LUZP1: variants seen among roughly 807,000 people sequenced by gnomAD.
LUZP1 encodes leucine zipper protein 1.
In LUZP1, 25 loss-of-function variants were observed where a neutral mutation model predicts 71.3. The ratio of observed to expected loss-of-function variants is 0.35; its 90% CI spans 0.26 to 0.49. LUZP1 has a LOEUF of 0.49. Among genes scored for constraint, LUZP1 ranks in the 20% least tolerant of loss-of-function variants. The probability of loss-of-function intolerance (pLI) is 0.99; values close to 1 mark genes in which losing one functional copy is unlikely to be tolerated. For synonymous variants in LUZP1, 481 were observed against 506.4 expected (o/e 0.95, Z 0.67); for missense variants, 1,142 against 1,300.8 (o/e 0.88, Z 1.88).
chr1:23,116,343 C>T (rs749661014), intron 2 of LUZP1, among the ~76,000 whole-genome samples: 2 of 152,094 alleles, frequency 1.3e-5, no homozygotes, highest in African/African-American at 2.4e-5. Flanking sequence ...CACTATACTC[C>T]AGCCTGGACA....
At chr1:23,084,097 A>G (rs376444667) in exon 5 of LUZP1, 8 of 152,176 alleles carry the variant, frequency 5.3e-5, no homozygotes. Flanking sequence ...TCCCAATTCT[A>G]CTAAAGGTGG....
intron 1 of LUZP1, among the ~76,000 whole-genome samples, chr1:23,173,350 C>CTTTTTTTT (rs869169060): frequency 2.5e-5 from 2 of 80,356 alleles, no homozygotes; most frequent in Admixed American, 1.4e-4. Flanking sequence ...TTTGTTTTTT[C>CTTTTTTTT]TTTTTTTTTT....
chr1:23,162,015 G>A (rs1644470419), intron 2 of LUZP1, among the ~76,000 whole-genome samples: 1 of 97,074 alleles, frequency 1.0e-5, no homozygotes. Context: ...GACAGAACGA[G>A]ACTGTCTCAA....
intron 2 of LUZP1, among the ~76,000 whole-genome samples, chr1:23,151,305 A>G (rs1644381130): frequency 6.6e-6 from 1 of 152,088 alleles, no homozygotes; most frequent in Non-Finnish European, 1.5e-5. Flanking sequence ...CGGCCTCCCA[A>G]AGTGCTGGGA....
chr1:23,147,121 A>G (rs547958377), intron 2 of LUZP1, among the ~76,000 whole-genome samples: 110 of 146,340 alleles, frequency 7.5e-4, no homozygotes, highest in Non-Finnish European at 7.6e-4. Flanking sequence ...TAATAATAAT[A>G]ATAATAACTA....
At chr1:23,107,486 A>T (rs1428517902) in intron 3 of LUZP1, among the ~76,000 whole-genome samples, 1 of 152,226 alleles carries the variant, frequency 6.6e-6, no homozygotes, top group Admixed American at 6.5e-5. Flanking sequence ...CCCAGTATAT[A>T]GCAAAATATT....
chr1:23,113,557 C>T (rs1183431518), intron 2 of LUZP1, among the ~76,000 whole-genome samples: 1 of 151,738 alleles, frequency 6.6e-6, no homozygotes, highest in Non-Finnish European at 1.5e-5. Flanking sequence ...ATTAACAGAG[C>T]TATTATAACT....
At position 23,106,415 on chromosome 1, in the gene LUZP1, G is replaced by T. The variant is rs373301722; in HGVS notation, c.-120+2607C>A. ...AGCCCAGGAGTTCAAGACCAGCCTC[G>T]GCAACATGGTGAAACCCTTTCTCTA... On this transcript the variant is annotated intron_variant, in intron 3 of 4. Transcript: ENST00000302291. Among the ~76,000 whole-genome samples the T allele has an allele frequency of 1.1e-4, 16 of 152,170 alleles. No homozygotes were observed. In the East Asian group the frequency reaches 3.1e-3, roughly 29 times the overall value.
At chr1:23,091,790 G>T in exon 4 of LUZP1, 1 of 1,614,060 alleles carries the variant, frequency 6.2e-7, no homozygotes, top group Non-Finnish European at 8.5e-7. Context: ...GCCCCACCTG[G>T]ATATTGCTAG....
chr1:23,114,920 A>AT (rs1644065673), intron 2 of LUZP1, among the ~76,000 whole-genome samples: 2 of 152,284 alleles, frequency 1.3e-5, no homozygotes, highest in South Asian at 4.1e-4. Flanking sequence ...ATGATATACT[A>AT]TTGTCCTTTC....
intron 2 of LUZP1, among the ~76,000 whole-genome samples, chr1:23,118,607 A>G (rs1166110497): frequency 1.3e-5 from 2 of 152,120 alleles, no homozygotes; most frequent in Non-Finnish European, 2.9e-5. Flanking sequence ...ACACAATAAA[A>G]CATGGTTATT....
At chr1:23,097,132 T>A (rs1313864083) in intron 3 of LUZP1, among the ~76,000 whole-genome samples, 1 of 152,110 alleles carries the variant, frequency 6.6e-6, no homozygotes, top group Admixed American at 6.6e-5. Context: ...ACAAAAAGGG[T>A]TGAACTTGCT....
intron 2 of LUZP1, among the ~76,000 whole-genome samples, chr1:23,113,658 G>C (rs957738823): frequency 1.3e-5 from 2 of 152,092 alleles, no homozygotes; most frequent in Admixed American, 1.3e-4. Context: ...GAGGCAGGCG[G>C]ATCACGAGAT....
chr1:23,097,009 G>T (rs1050830813), intron 3 of LUZP1, among the ~76,000 whole-genome samples: 2 of 152,252 alleles, frequency 1.3e-5, no homozygotes, highest in Middle Eastern at 6.8e-3. Flanking sequence ...CAGTTCTGGA[G>T]CCTGGGAATA....
intron 2 of LUZP1, among the ~76,000 whole-genome samples, chr1:23,166,003 A>C (rs1278617582): frequency 1.3e-5 from 2 of 151,450 alleles, no homozygotes; most frequent in Non-Finnish European, 2.9e-5. Flanking sequence ...CATATAGTAC[A>C]TACCACTACT....
chr1:23,150,897 TTGTG>T (rs958255478), intron 2 of LUZP1, among the ~76,000 whole-genome samples: 2 of 152,174 alleles, frequency 1.3e-5, no homozygotes, highest in African/African-American at 2.4e-5. Flanking sequence ...AACAGTTTGT[TTGTG>T]TTTGTTTTTC....
At chr1:23,136,845 G>A (rs1644258512) in intron 2 of LUZP1, among the ~76,000 whole-genome samples, 1 of 152,218 alleles carries the variant, frequency 6.6e-6, no homozygotes, top group Admixed American at 6.5e-5. Flanking sequence ...ATGAACCCGG[G>A]AGGCGGAGCT....
intron 2 of LUZP1, among the ~76,000 whole-genome samples, chr1:23,157,723 G>A (rs750695576): frequency 6.6e-6 from 1 of 151,830 alleles, no homozygotes. Flanking sequence ...CCCAGGAGGC[G>A]GAGGTTGCAG....
intron 1 of LUZP1, among the ~76,000 whole-genome samples, chr1:23,170,200 G>A (rs1002590041): frequency 3.9e-5 from 6 of 152,112 alleles, no homozygotes; most frequent in African/African-American, 1.4e-4. Flanking sequence ...CCTCCCATTT[G>A]TTTCTTAGCA....
Sources: allele counts gnomAD v4.1 joint callset (sites outside exome capture counted in the v4.1 genomes callset), GRCh38; gene constraint gnomAD v4.1.1; transcripts MANE v1.5; gene names NCBI Gene and HGNC (gene_info 2026-07-23, HGNC 2026-07-21).